The following COPG2 variants were observed in gnomAD, a reference collection of about 807,000 sequenced individuals.
COPG2 encodes coat protein complex I subunit gamma 2.
COPG2 carries 37 observed loss-of-function variants against 46.3 expected under a neutral mutation model. The ratio of observed to expected loss-of-function variants is 0.80; its 90% CI spans 0.61 to 1.05. The LOEUF (loss-of-function observed/expected upper bound fraction) is 1.05, where lower values mean the gene tolerates loss of function less well. Among genes scored for constraint, COPG2 ranks in the 50% least tolerant of loss-of-function variants. COPG2 has a pLI of 0.00. For synonymous variants in COPG2, 159 were observed against 129.7 expected (o/e 1.23, Z -1.53); for missense variants, 427 against 387.8 (o/e 1.10, Z -0.85).
intron 20 of COPG2, among the ~76,000 whole-genome samples, chr7:130,535,818 G>A (rs965740928): frequency 1.9e-4 from 29 of 152,014 alleles, no homozygotes; most frequent in African/African-American, 6.5e-4. Flanking sequence ...CATGTTGAGT[G>A]TTGAGGTTGA....
chr7:130,586,570 C>G (rs1011039095), intron 9 of COPG2, among the ~76,000 whole-genome samples: 1 of 152,066 alleles, frequency 6.6e-6, no homozygotes, highest in Non-Finnish European at 1.5e-5. Flanking sequence ...TCATGCCACT[C>G]TCCTGCCTCA....
At chr7:130,656,594 T>C (rs1380891929) in intron 4 of COPG2, among the ~76,000 whole-genome samples, 8 of 152,062 alleles carry the variant, frequency 5.3e-5, no homozygotes, top group African/African-American at 1.9e-4. Flanking sequence ...AGAAGACAGC[T>C]GCAATAGTGA....
At position 130,506,820 on chromosome 7, in the gene COPG2, G is replaced by A. The variant is rs1554440207; in HGVS notation, c.2486-14C>T. ...CTCTGAATATACCTGAGAGAAAAAA[G>A]TAAGGAAAACCATATTAAGAACCCA... is the stretch of plus-strand genomic sequence containing the variant. On this transcript the variant is annotated splice_polypyrimidine_tract_variant and intron_variant, in intron 23 of 23. Transcript: ENST00000425248. 5.2e-6 allele frequency: 4 copies of A among 767,736 alleles called. No homozygotes were observed. The highest frequency in any genetic ancestry group is 1.4e-5 in the South Asian group (1 of 72,122). The allele number at this position is 767,736 out of a possible 1,614,324, so 47.6% of individuals were successfully genotyped here.
At chr7:130,629,679 C>T (rs1384677648) in intron 5 of COPG2, among the ~76,000 whole-genome samples, 7 of 151,616 alleles carry the variant, frequency 4.6e-5, no homozygotes, top group African/African-American at 1.2e-4. Context: ...TACAAGTTTG[C>T]GCCACCACGC....
chr7:130,668,654 G>A lies in COPG2; in HGVS notation c.15C>T (p.Phe5=), dbSNP rs782031413. Residue 5 remains phenylalanine, a synonymous_variant, in exon 1 of 24, where the codon TTC becomes TTT. Coordinates refer to ENST00000425248, the MANE Select transcript of COPG2 (RefSeq NM_012133.6). Reference sequence around the variant, plus strand: ...TACCAGACTCCTCGTCCTTCTTGTCGAATTTTTTAATCATCTTGGACGACT... The same window carrying A: ...TACCAGACTCCTCGTCCTTCTTGTCAAATTTTTTAATCATCTTGGACGACT... MIKK[F]DKKDEESGSG... 3 of 1,543,230 alleles carry A rather than the reference G, an allele frequency of 1.9e-6. No homozygotes were observed. Among genetic ancestry groups the A allele is most frequent in the Middle Eastern group, 1.7e-4 (1 of 5,906 alleles).
At chr7:130,549,909 T>C (rs1173169134) in intron 17 of COPG2, among the ~76,000 whole-genome samples, 2 of 152,138 alleles carry the variant, frequency 1.3e-5, no homozygotes, top group African/African-American at 4.8e-5. Context: ...ACTTAGAGAT[T>C]ATCAACTTCA....
At chr7:130,595,749 T>TG (rs1794513732) in intron 9 of COPG2, among the ~76,000 whole-genome samples, 1 of 152,194 alleles carries the variant, frequency 6.6e-6, no homozygotes, top group Admixed American at 6.5e-5. Context: ...CTTCTCATGA[T>TG]GGTGTCAAGA....
intron 5 of COPG2, among the ~76,000 whole-genome samples, chr7:130,618,965 T>A (rs1191654139): frequency 6.6e-6 from 1 of 152,170 alleles, no homozygotes; most frequent in African/African-American, 2.4e-5. Context: ...ATATTCAAAT[T>A]TTGCTTTGCC....
intron 5 of COPG2, among the ~76,000 whole-genome samples, chr7:130,651,465 T>C (rs902442240): frequency 6.2e-5 from 9 of 144,876 alleles, no homozygotes. Flanking sequence ...TACAGGAGCG[T>C]GCTACCAATG....
intron 20 of COPG2, among the ~76,000 whole-genome samples, chr7:130,533,689 C>A (rs1187167936): frequency 6.6e-6 from 1 of 152,050 alleles, no homozygotes; most frequent in African/African-American, 2.4e-5. Context: ...GTGGCAACAA[C>A]AGTGAGGGCA....
intron 5 of COPG2, among the ~76,000 whole-genome samples, chr7:130,620,714 G>A (rs947240142): frequency 1.3e-5 from 2 of 152,202 alleles, no homozygotes; most frequent in African/African-American, 4.8e-5. Context: ...CTATACTGGA[G>A]TTAGATGATT....
At chr7:130,526,120 T>C (rs1040321414) in intron 20 of COPG2, among the ~76,000 whole-genome samples, 66 of 151,994 alleles carry the variant, frequency 4.3e-4, no homozygotes, top group Non-Finnish European at 8.5e-4. Context: ...GGGAGCCTTC[T>C]TGATGGGACA....
At chr7:130,508,102 C>G (rs1312654478) in intron 21 of COPG2, 3 of 344,478 alleles carry the variant, frequency 8.7e-6, no homozygotes, top group Non-Finnish European at 1.6e-5. Context: ...CACACGGTAC[C>G]CTCTGATCAT....
chr7:130,543,366 G>A (rs1022680367), intron 20 of COPG2, among the ~76,000 whole-genome samples: 11 of 152,322 alleles, frequency 7.2e-5, no homozygotes, highest in African/African-American at 2.2e-4. Flanking sequence ...ATGGAATAAT[G>A]GCAAAGAGGA....
chr7:130,510,849 C>T (rs1467969932), intron 20 of COPG2: 13 of 506,300 alleles, frequency 2.6e-5, no homozygotes, highest in South Asian at 4.4e-5. Flanking sequence ...AGGCAAGATG[C>T]GGGGGCCTTT....
intron 9 of COPG2, among the ~76,000 whole-genome samples, chr7:130,565,565 A>C (rs1198287416): frequency 6.6e-6 from 1 of 152,184 alleles, no homozygotes; most frequent in Non-Finnish European, 1.5e-5. Context: ...TCTATGGGGG[A>C]AAAAAAGTAG....
intron 20 of COPG2, among the ~76,000 whole-genome samples, chr7:130,534,669 G>A (rs1799861554): frequency 6.6e-6 from 1 of 151,954 alleles, no homozygotes; most frequent in African/African-American, 2.4e-5. Flanking sequence ...CAAGAGTGGA[G>A]GAAAGGTAGA....
chr7:130,631,511 T>C (rs1296424688), intron 5 of COPG2, among the ~76,000 whole-genome samples: 1 of 152,192 alleles, frequency 6.6e-6, no homozygotes, highest in East Asian at 1.9e-4. Context: ...GTGGAATATA[T>C]GTTATGATTC....
intron 20 of COPG2, among the ~76,000 whole-genome samples, chr7:130,510,505 C>T (rs1485321132): frequency 2.0e-5 from 3 of 152,042 alleles, no homozygotes; most frequent in Non-Finnish European, 4.4e-5. Context: ...ATTATAGCAA[C>T]CCAGTGTGGT....
Sources: allele counts gnomAD v4.1 joint callset (sites outside exome capture counted in the v4.1 genomes callset), GRCh38; gene constraint gnomAD v4.1.1; transcripts MANE v1.5; gene names NCBI Gene and HGNC (gene_info 2026-07-23, HGNC 2026-07-21).